Variants in CEP120 observed in about 807,000 individuals in gnomAD.
CEP120 encodes centrosomal protein of 120 kDa.
In CEP120, 113 loss-of-function variants were observed where a neutral mutation model predicts 126.5. That is an observed-to-expected ratio of 0.89 (90% CI 0.77 to 1.04). CEP120 has a LOEUF of 1.04. CEP120 is among the 50% of genes least tolerant of loss of function. CEP120 has a pLI of 0.00. For synonymous variants in CEP120, 400 were observed against 394.3 expected (o/e 1.01, Z -0.17); for missense variants, 1,230 against 1,155.7 (o/e 1.06, Z -0.93).
Position 123,386,612 on chromosome 5 carries a change from C to A in CEP120, c.1486G>T (p.Glu496Ter), listed in dbSNP as rs1772033553. The A allele has an allele frequency of 6.4e-7, 1 of 1,559,822 alleles. No individual in the cohort carries two copies. The highest frequency in any genetic ancestry group is 8.7e-7 in the Non-Finnish European group (1 of 1,155,202). Residue 496 changes from glutamate to a stop codon, truncating the protein, a stop_gained, in exon 10 of 20, where the codon GAA becomes TAA. Coordinates refer to ENST00000306467, the MANE Select transcript of CEP120 (RefSeq NM_001375405.1). LOFTEE classifies it high-confidence loss of function. The part of the protein sequence containing the change: ...AAPIMTNPPV[E>*]VRKNMEVFLP... The stretch of plus-strand genomic sequence containing the variant: ...AAAACTTCCATGTTTTTCCGAACTT[C>A]TACAGGAGGATTAGTCATAATAGGA...
In CEP120 at chr5:123,423,378, G is replaced by C. The variant is rs1580755345; in HGVS notation, c.-380C>G. 3.4e-6 allele frequency: 1 copy of C among 296,194 alleles called. No individual in the cohort carries two copies. The highest frequency in any genetic ancestry group is 8.4e-5 in the East Asian group (1 of 11,860). The allele number at this position is 296,194 out of a possible 1,614,324, so 18.3% of individuals were successfully genotyped here. ...CCTAGCAACCAGGCCCGCAGGCCCA[G>C]TGCCCAGGGGAGGTTGGAGGACAAC... On this transcript the variant is annotated 5_prime_UTR_variant, in exon 1 of 20. Transcript: ENST00000306467.
chr5:123,357,825 TGACACTACTTGG>T, intron 18 of CEP120, among the ~76,000 whole-genome samples: 1 of 152,272 alleles, frequency 6.6e-6, no homozygotes, highest in East Asian at 1.9e-4. Flanking sequence ...AGTCCCAATG[TGACACTACTTGG>T]GGCCAACCAA....
At chr5:123,419,119 A>G (rs1297422674) in intron 1 of CEP120, among the ~76,000 whole-genome samples, 2 of 152,198 alleles carry the variant, frequency 1.3e-5, no homozygotes, top group African/African-American at 4.8e-5. Context: ...GGGTGGGCCT[A>G]AGATTCCGCA....
chr5:123,422,130 T>G (rs1774755080), intron 1 of CEP120, among the ~76,000 whole-genome samples: 1 of 152,246 alleles, frequency 6.6e-6, no homozygotes, highest in African/African-American at 2.4e-5. Context: ...GTGAATTTAA[T>G]TAAGCAAGGC....
At chr5:123,362,276 A>G (rs544589479) in intron 18 of CEP120, among the ~76,000 whole-genome samples, 54 of 151,836 alleles carry the variant, frequency 3.6e-4, no homozygotes, top group African/African-American at 1.2e-3. Flanking sequence ...CCAACTCACG[A>G]TGACCCCTAC....
intron 4 of CEP120, among the ~76,000 whole-genome samples, chr5:123,409,871 C>T (rs992662609): frequency 4.0e-5 from 6 of 151,106 alleles, no homozygotes; most frequent in African/African-American, 1.5e-4. Flanking sequence ...GCAGGAGAAT[C>T]GCTTGAACCT....
intron 3 of CEP120, among the ~76,000 whole-genome samples, chr5:123,414,841 G>A (rs997771158): frequency 4.0e-5 from 6 of 151,666 alleles, no homozygotes; most frequent in Non-Finnish European, 5.9e-5. Flanking sequence ...GCATGGTGGC[G>A]GGTGCCTGTA....
In CEP120 at chr5:123,390,412, G is replaced by T. The variant is rs186269049; in HGVS notation, c.1039-272C>A. 1.7e-5 allele frequency: 9 copies of T among 518,200 alleles called. No homozygotes were observed. In the Admixed American group the frequency reaches 2.1e-4, roughly 12 times the overall value. The allele number at this position is 518,200 out of a possible 1,614,324, so 32.1% of individuals were successfully genotyped here. A position where few individuals can be genotyped will look rare whatever the true frequency, so the allele number is the denominator to read the frequency against. ...TTGAGAAAAGAAGTCAGGCATAGGT[G>T]TCCCCGGGAATGGTTATTCCTACCA... On this transcript the variant is annotated intron_variant, in intron 7 of 19. Coordinates refer to ENST00000306467, the MANE Select transcript of CEP120 (RefSeq NM_001375405.1).
At chr5:123,401,646 G>C in intron 4 of CEP120, 3 of 1,434,872 alleles carry the variant, frequency 2.1e-6, no homozygotes, top group East Asian at 2.3e-5. Context: ...TGCAGCTCCC[G>C]GATCTCCTCT....
At chr5:123,394,529 G>T (rs1772636552) in intron 5 of CEP120, among the ~76,000 whole-genome samples, 1 of 152,152 alleles carries the variant, frequency 6.6e-6, no homozygotes, top group Non-Finnish European at 1.5e-5. Flanking sequence ...CTCCTGCTGT[G>T]TAGCCGGTTC....
At chr5:123,399,413 T>G in intron 4 of CEP120, 129 bp from the exon 5 acceptor site, 1 of 815,732 alleles carries the variant, frequency 1.2e-6, no homozygotes, top group Admixed American at 2.7e-5. Flanking sequence ...CTAATAAGGT[T>G]TCCTTTACTC....
chr5:123,404,518 G>A (rs1393194635), intron 4 of CEP120, among the ~76,000 whole-genome samples: 1 of 151,992 alleles, frequency 6.6e-6, no homozygotes, highest in Non-Finnish European at 1.5e-5. Flanking sequence ...TGTACAGAAT[G>A]AGAAGAAATT....
rs749256376 is a variant in CEP120, at chr5:123,399,118, T to A, written c.612+18A>T. 1 of 1,549,602 alleles carries A rather than the reference T, an allele frequency of 6.5e-7. No individual in the cohort carries two copies. Among genetic ancestry groups the A allele is most frequent in the African/African-American group, 1.4e-5 (1 of 73,966 alleles). ...TTTCAAATTATTCGTAAGTCACCAA[T>A]CTCATGAAAAGTCTCACCTGTTCCA... On this transcript the variant is annotated intron_variant, in intron 5 of 19. Coordinates refer to ENST00000306467, the MANE Select transcript of CEP120 (RefSeq NM_001375405.1).
At chr5:123,402,052 G>C (rs555292788) in intron 4 of CEP120, 15 of 1,596,012 alleles carry the variant, frequency 9.4e-6, no homozygotes, top group Admixed American at 8.3e-5. Flanking sequence ...TTGTTGTTGA[G>C]GGTCTTGATC....
chr5:123,423,132 A>T lies in CEP120; in HGVS notation c.-134T>A. 1 of 722,322 alleles carries T rather than the reference A, an allele frequency of 1.4e-6. No homozygotes were observed. The highest frequency in any genetic ancestry group is 2.7e-5 in the East Asian group (1 of 37,452). 44.7% of individuals were successfully genotyped at this position (722,322 alleles called of 1,614,324 possible). The stretch of plus-strand genomic sequence containing the variant: ...CCCTGATGCCCGGACCCCGCTCCGC[A>T]GCCAGGTCCCACCGCCGTCTGCTGC... On this transcript the variant is annotated 5_prime_UTR_variant, in exon 1 of 20. Transcript: ENST00000306467.
In CEP120 at chr5:123,414,140, C is replaced by T. The variant is rs567335994; in HGVS notation, c.322-1600G>A. On this transcript the variant is annotated intron_variant, in intron 3 of 19. Transcript: ENST00000306467. ...ATGCCAAGAGTATTTAGAGGCATGA[C>T]CTCATCCCTCAGATACCCCCCTAAG... Among the ~76,000 whole-genome samples the T allele has an allele frequency of 5.9e-5, 9 of 152,318 alleles. No homozygotes were observed. In the South Asian group the frequency reaches 1.7e-3, roughly 28 times the overall value.
chr5:123,373,629 A>C (rs1270691449), intron 16 of CEP120, among the ~76,000 whole-genome samples: 1 of 152,100 alleles, frequency 6.6e-6, no homozygotes, highest in Non-Finnish European at 1.5e-5. Flanking sequence ...ATTCTGGGAT[A>C]CAGATGGAAG....
intron 15 of CEP120, 34 bp from the exon 16 acceptor site, chr5:123,377,569 A>C (rs774960412): frequency 2.6e-6 from 4 of 1,530,476 alleles, no homozygotes; most frequent in Non-Finnish European, 1.8e-6. Flanking sequence ...AGGTTGGTTT[A>C]TTGCTAGCTG....
At chr5:123,391,600 T>C (rs1222740722) in intron 6 of CEP120, among the ~76,000 whole-genome samples, 1 of 125,280 alleles carries the variant, frequency 8.0e-6, no homozygotes, top group Non-Finnish European at 1.8e-5. Flanking sequence ...CATATGTTAT[T>C]GCTTCTTTTT....
Sources: gnomAD v4.1 joint callset for allele counts (sites outside exome capture counted in the v4.1 genomes callset) on GRCh38, gnomAD v4.1.1 for gene constraint, MANE v1.5 for transcripts, NCBI Gene and HGNC (gene_info 2026-07-23, HGNC 2026-07-21) for gene names.